The following METTL15 variants were observed in gnomAD, a reference collection of about 807,000 sequenced individuals.
METTL15 encodes the protein methyltransferase 15, mitochondrial 12S rRNA N4-cytidine, also known as 12S rRNA N(4)-cytidine methyltransferase METTL15.
A neutral mutation model predicts 38.3 loss-of-function variants in METTL15; 34 were observed. The ratio of observed to expected loss-of-function variants is 0.89; its 90% confidence interval spans 0.68 to 1.18. The LOEUF is 1.18. METTL15 is among the 50% of genes most tolerant of loss of function. The pLI, the probability that METTL15 is intolerant of heterozygous loss-of-function variation, is 0.00. For synonymous variants in METTL15, 162 were observed against 170.9 expected, an observed-to-expected ratio of 0.95 and a Z score of 0.41; for missense variants, 438 against 498.4, an observed-to-expected ratio of 0.88 and a Z score of 1.15.
intron 6 of METTL15, among the ~76,000 whole-genome samples, chr11:28,458,731 C>T (rs945976314): frequency 1.3e-5 from 2 of 152,170 alleles, no homozygotes; most frequent in Non-Finnish European, 2.9e-5. Flanking sequence ...ACACATAGCC[C>T]ACATCTATCC....
chr11:28,468,152 G>A lies in METTL15; in HGVS notation c.*424+43788G>A, dbSNP rs776180810. On this transcript the variant is annotated intron_variant and NMD_transcript_variant, in intron 6 of 7. Transcript: ENST00000532947. ...GTGACTTGTTTTCCAGTCCTGCCCC[G>A]GACTCTAATTGGCTCTAGGAAGTTC... 5.3e-5 allele frequency among the ~76,000 whole-genome samples: 8 copies of A among 152,170 alleles called. No homozygotes were observed. In the South Asian group the frequency reaches 1.2e-3, roughly 24 times the overall value.
intron 5 of METTL15, among the ~76,000 whole-genome samples, chr11:28,365,779 GGC>G (rs1850179493): frequency 1.3e-5 from 2 of 152,132 alleles, no homozygotes; most frequent in Non-Finnish European, 2.9e-5. Flanking sequence ...CAGGCGCGGT[GGC>G]TCATGAGCGC....
intron 6 of METTL15, among the ~76,000 whole-genome samples, chr11:28,452,344 T>G (rs571011339): frequency 1.9e-4 from 29 of 152,352 alleles, no homozygotes; most frequent in African/African-American, 6.7e-4. Flanking sequence ...GCTGATGTTA[T>G]AAATGGTCTG....
At chr11:28,313,909 C>A (rs1020626370) in intron 6 of METTL15, among the ~76,000 whole-genome samples, 3 of 152,000 alleles carry the variant, frequency 2.0e-5, no homozygotes, top group African/African-American at 7.3e-5. Flanking sequence ...CACATATATG[C>A]CTTTAGCCCT....
intron 4 of METTL15, among the ~76,000 whole-genome samples, chr11:28,263,814 C>T (rs1325502769): frequency 6.6e-6 from 1 of 151,798 alleles, no homozygotes; most frequent in African/African-American, 2.4e-5. Context: ...TTTCTTTTTC[C>T]TTCATTCTTT....
intron 4 of METTL15, among the ~76,000 whole-genome samples, chr11:28,274,592 G>A (rs1380978792): frequency 6.6e-6 from 1 of 151,906 alleles, no homozygotes; most frequent in Non-Finnish European, 1.5e-5. Flanking sequence ...AATAAAAAAT[G>A]TTCATTAATT....
intron 4 of METTL15, among the ~76,000 whole-genome samples, chr11:28,259,283 C>G (rs548542238): frequency 1.3e-5 from 2 of 152,046 alleles, no homozygotes; most frequent in African/African-American, 4.8e-5. Context: ...TTGTCCTGCC[C>G]TCTCCTCAAG....
At chr11:28,291,266 G>T (rs1856503186) in intron 5 of METTL15, among the ~76,000 whole-genome samples, 1 of 151,862 alleles carries the variant, frequency 6.6e-6, no homozygotes, top group Non-Finnish European at 1.5e-5. Context: ...GGCTGATCTG[G>T]ATCTCCTGAC....
At chr11:28,351,240 T>C (rs1455962648) in intron 3 of METTL15, among the ~76,000 whole-genome samples, 1 of 152,026 alleles carries the variant, frequency 6.6e-6, no homozygotes, top group Non-Finnish European at 1.5e-5. Context: ...GCCTCCTGAG[T>C]AGCTGGGACT....
At chr11:28,400,065 C>T (rs527789186) in intron 5 of METTL15, among the ~76,000 whole-genome samples, 8 of 152,008 alleles carry the variant, frequency 5.3e-5, no homozygotes, top group Admixed American at 2.6e-4. Flanking sequence ...TTCTTCTCCC[C>T]GTCCTCACAT....
chr11:28,398,086 T>C (rs934616812), intron 5 of METTL15, among the ~76,000 whole-genome samples: 32 of 151,742 alleles, frequency 2.1e-4, no homozygotes, highest in Middle Eastern at 6.8e-3. Context: ...CAGGGCCTGT[T>C]GTGGGGTGGG....
At chr11:28,498,575 A>G (rs1851555705) in intron 6 of METTL15, among the ~76,000 whole-genome samples, 1 of 152,088 alleles carries the variant, frequency 6.6e-6, no homozygotes. Flanking sequence ...CAATTCCTCA[A>G]ATCTCCCTCC....
At chr11:28,297,685 T>G (rs1856788501) in intron 6 of METTL15, among the ~76,000 whole-genome samples, 1 of 152,158 alleles carries the variant, frequency 6.6e-6, no homozygotes, top group South Asian at 2.1e-4. Context: ...ACTCTTGCAG[T>G]TATTTAACAG....
chr11:28,202,199 G>A (rs1460654456), intron 3 of METTL15, among the ~76,000 whole-genome samples: 10 of 151,654 alleles, frequency 6.6e-5, no homozygotes, highest in Admixed American at 6.6e-4. Context: ...GGGAATATGG[G>A]GGCCTAAATT....
Position 28,155,674 on chromosome 11 carries a change from G to C in METTL15, c.270+42070G>C, listed in dbSNP as rs1410574762. ...ATGCAGGGAAGAGGACAAGAGGTTA[G>C]ATCTTGGATAAAGACTGTGTGAGTT... On this transcript the variant is annotated intron_variant, in intron 3 of 6. Transcript: ENST00000407364. Among the ~76,000 whole-genome samples the C allele has an allele frequency of 2.6e-5, 4 of 152,282 alleles. No individual in the cohort carries two copies. The Middle Eastern group carries it at 0.014, about 518-fold the overall frequency.
At chr11:28,516,928 C>G (rs140432935) in intron 6 of METTL15, 5 of 152,280 alleles carry the variant, frequency 3.3e-5, no homozygotes, top group African/African-American at 1.2e-4. Flanking sequence ...TCATAAAGTT[C>G]AAGGGGCAAA....
chr11:28,120,686 C>G (rs556495544), intron 3 of METTL15, among the ~76,000 whole-genome samples: 14 of 152,134 alleles, frequency 9.2e-5, no homozygotes, highest in African/African-American at 3.4e-4. Flanking sequence ...GTTTTCCATA[C>G]ACTTTGTAGT....
downstream of METTL15, among the ~76,000 whole-genome samples, chr11:28,529,827 T>G (rs1851834149): frequency 6.6e-6 from 1 of 152,122 alleles, no homozygotes; most frequent in Non-Finnish European, 1.5e-5. Context: ...GTATATTGAC[T>G]GAACATGGGT....
intron 3 of METTL15, among the ~76,000 whole-genome samples, chr11:28,143,724 G>C (rs1590803435): frequency 6.6e-6 from 1 of 152,176 alleles, no homozygotes; most frequent in Non-Finnish European, 1.5e-5. Context: ...TTTTTGTCAT[G>C]TAACTGAATG....
Sources: gnomAD v4.1 joint callset for allele counts (sites outside exome capture counted in the v4.1 genomes callset) on GRCh38, gnomAD v4.1.1 for gene constraint, MANE v1.5 for transcripts, NCBI Gene and HGNC (gene_info 2026-07-23, HGNC 2026-07-21) for gene names.